Variants in PCMTD1 observed in about 807,000 individuals in gnomAD.
PCMTD1 encodes protein-L-isoaspartate O-methyltransferase domain-containing protein 1.
A neutral mutation model predicts 37.6 loss-of-function variants in PCMTD1; 12 were observed. The ratio of observed to expected loss-of-function variants is 0.32; its 90% CI spans 0.20 to 0.52. The LOEUF (loss-of-function observed/expected upper bound fraction) is 0.52. Ranked by LOEUF, PCMTD1 falls within the 20% of genes least tolerant of loss-of-function variation. The probability of loss-of-function intolerance (pLI) is 0.97; values close to 1 mark genes in which losing one functional copy is unlikely to be tolerated. For synonymous variants in PCMTD1, 117 were observed against 135.8 expected, an observed-to-expected ratio of 0.86 and a Z score of 0.96; for missense variants, 235 against 421.3, an observed-to-expected ratio of 0.56 and a Z score of 3.87.
chr8:51,888,366 G>A (rs1050491628), intron 1 of PCMTD1, among the ~76,000 whole-genome samples: 33 of 152,036 alleles, frequency 2.2e-4, no homozygotes, highest in African/African-American at 7.7e-4. Flanking sequence ...TTCCCCTTCA[G>A]GTAAATGACT....
rs369673803 is a variant in PCMTD1, at chr8:51,877,638, C to CCTTTA, written c.-95-16397_-95-16393dup. Among the ~76,000 whole-genome samples, 119 of 152,180 alleles carry CCTTTA rather than the reference C, an allele frequency of 7.8e-4. 1 individual carries two copies. Among genetic ancestry groups the CCTTTA allele is most frequent in the Middle Eastern group, 3.4e-3 (1 of 294 alleles). ...GGGGAGGAAAGTCTTTGAAGAGGAA[C>CCTTTA]CTTTACTTTACTTTACTTTTCATAG... On this transcript the variant is annotated intron_variant, in intron 1 of 5. Transcript: ENST00000522514.
chr8:51,859,492 GAACT>G (rs2038440673), intron 2 of PCMTD1, among the ~76,000 whole-genome samples: 2 of 152,044 alleles, frequency 1.3e-5, no homozygotes, highest in South Asian at 2.1e-4. Flanking sequence ...TATACATTAA[GAACT>G]AACCCAGTTG....
intron 1 of PCMTD1, among the ~76,000 whole-genome samples, chr8:51,882,002 C>A (rs1233814081): frequency 6.6e-6 from 1 of 152,182 alleles, no homozygotes; most frequent in African/African-American, 2.4e-5. Flanking sequence ...ACTAATGAGT[C>A]CCCCTCCTCT....
chr8:51,844,186 A>G (rs1476308117), intron 3 of PCMTD1, among the ~76,000 whole-genome samples: 3 of 152,224 alleles, frequency 2.0e-5, no homozygotes, highest in Non-Finnish European at 4.4e-5. Context: ...CAAATTTCTT[A>G]TCAAATAATT....
At chr8:51,873,747 C>T (rs1056304489) in intron 1 of PCMTD1, among the ~76,000 whole-genome samples, 1 of 152,078 alleles carries the variant, frequency 6.6e-6, no homozygotes, top group Admixed American at 6.5e-5. Context: ...TAACCTGCTT[C>T]TTCCCGAGTC....
intron 3 of PCMTD1, among the ~76,000 whole-genome samples, chr8:51,843,974 G>A (rs1207695321): frequency 6.6e-6 from 1 of 152,080 alleles, no homozygotes; most frequent in Non-Finnish European, 1.5e-5. Context: ...AAATTCAAAT[G>A]TACTCAAAAA....
intron 1 of PCMTD1, among the ~76,000 whole-genome samples, chr8:51,862,380 A>T (rs1335099621): frequency 6.6e-6 from 1 of 151,490 alleles, no homozygotes. Flanking sequence ...ACACTCACAC[A>T]CACATACACT....
Position 51,833,545 on chromosome 8 carries a change from G to A in PCMTD1, c.555C>T (p.Gly185=). ...NYMKILLKVG[G]ILVMPIEDQL... ...GATCCTCTATAGGCATGACTAATAT[G>A]CCTCCAACTTTTAGTAATATTTTCA... is the stretch of plus-strand genomic sequence containing the variant. Residue 185 remains glycine (G), a synonymous_variant, in exon 4 of 6, where the codon GGC becomes GGT. Transcript: ENST00000522514. 1 of 1,612,280 alleles carries A rather than the reference G, an allele frequency of 6.2e-7. No individual in the cohort carries two copies. Among genetic ancestry groups the A allele is most frequent in the South Asian group, 1.1e-5 (1 of 90,772 alleles).
At chr8:51,851,995 T>C (rs1050039962) in intron 2 of PCMTD1, among the ~76,000 whole-genome samples, 1 of 152,206 alleles carries the variant, frequency 6.6e-6, no homozygotes, top group African/African-American at 2.4e-5. Context: ...GACATTTTCA[T>C]CAGCTCTTTC....
intron 3 of PCMTD1, among the ~76,000 whole-genome samples, chr8:51,836,199 C>A (rs921813846): frequency 1.3e-5 from 2 of 152,156 alleles, no homozygotes; most frequent in Non-Finnish European, 2.9e-5. Flanking sequence ...AAAGATGAGA[C>A]AGGACAATCT....
At chr8:51,872,830 A>C (rs2038658215) in intron 1 of PCMTD1, among the ~76,000 whole-genome samples, 1 of 152,190 alleles carries the variant, frequency 6.6e-6, no homozygotes, top group Non-Finnish European at 1.5e-5. Context: ...TCCATATATT[A>C]ATGTACTGTG....
At chr8:51,844,529 T>C (rs2038191008) in intron 3 of PCMTD1, among the ~76,000 whole-genome samples, 1 of 152,158 alleles carries the variant, frequency 6.6e-6, no homozygotes, top group African/African-American at 2.4e-5. Flanking sequence ...TACATCAGGT[T>C]TCTGTTCTTC....
At chr8:51,827,207 T>C (rs1227865341) in intron 5 of PCMTD1, 1 of 1,138,534 alleles carries the variant, frequency 8.8e-7, no homozygotes, top group Non-Finnish European at 1.1e-6. Context: ...GAAGCTTTTA[T>C]TTTTTAGAAA....
intron 3 of PCMTD1, among the ~76,000 whole-genome samples, chr8:51,843,771 CCA>C (rs1450711123): frequency 1.3e-5 from 2 of 152,244 alleles, no homozygotes; most frequent in East Asian, 1.9e-4. Flanking sequence ...AGCTTGAGCT[CCA>C]CAGACACTTG....
chr8:51,840,455 C>A (rs1399377910), intron 3 of PCMTD1, among the ~76,000 whole-genome samples: 1 of 152,020 alleles, frequency 6.6e-6, no homozygotes, highest in African/African-American at 2.4e-5. Context: ...TCTGTCATAA[C>A]TTTAAAGTAT....
At chr8:51,868,423 G>C (rs139222524) in intron 1 of PCMTD1, among the ~76,000 whole-genome samples, 203 of 152,234 alleles carry the variant, frequency 1.3e-3, no homozygotes, top group African/African-American at 4.7e-3. Flanking sequence ...TATGTGTTAA[G>C]TTCCTTCTGG....
At chr8:51,843,614 T>C (rs1442642824) in intron 3 of PCMTD1, among the ~76,000 whole-genome samples, 11 of 151,848 alleles carry the variant, frequency 7.2e-5, no homozygotes, top group Admixed American at 7.2e-4. Flanking sequence ...AAAAAACAAT[T>C]TGAGAATTTT....
chr8:51,869,473 A>C (rs1163491500), intron 1 of PCMTD1, among the ~76,000 whole-genome samples: 1 of 152,066 alleles, frequency 6.6e-6, no homozygotes, highest in Non-Finnish European at 1.5e-5. Context: ...TCTAATTTCC[A>C]TGCTATTTCA....
At position 51,818,421 on chromosome 8, in the gene PCMTD1, A is replaced by AAAC. The variant is rs2037792535; in HGVS notation, c.*1929_*1930insGTT. Reference sequence around the variant, plus strand: ...CAGCAGCTCCAACCAAAAAAAAAAAAAAAAACAAGCAGGGGAGATGGGACA... The same window carrying AAAC: ...CAGCAGCTCCAACCAAAAAAAAAAAAAACAAAAACAAGCAGGGGAGATGGGACA... On this transcript the variant is annotated 3_prime_UTR_variant, in exon 6 of 6. Transcript: ENST00000522514. 1 of 153,424 alleles carries AAAC rather than the reference A, an allele frequency of 6.5e-6. No homozygotes were observed. The highest frequency in any genetic ancestry group is 1.4e-5 in the Non-Finnish European group (1 of 68,992). 9.5% of individuals were successfully genotyped at this position (153,424 alleles called of 1,614,324 possible).
Sources: allele counts gnomAD v4.1 joint callset (sites outside exome capture counted in the v4.1 genomes callset), GRCh38; gene constraint gnomAD v4.1.1; transcripts MANE v1.5; gene names NCBI Gene and HGNC (gene_info 2026-07-23, HGNC 2026-07-21).